The following PADI1 variants were observed in gnomAD, a reference collection of about 807,000 sequenced individuals.
The protein encoded by PADI1 is peptidyl arginine deiminase 1.
In PADI1, 65 loss-of-function variants were observed where a neutral mutation model predicts 74.8. The observed-to-expected ratio is 0.87, with a 90% CI of 0.71 to 1.07. The LOEUF is 1.07. PADI1 is among the 50% of genes least tolerant of loss of function. PADI1 has a pLI of 0.00. For synonymous variants in PADI1, 371 were observed against 336.2 expected (o/e 1.10, Z -1.13); for missense variants, 943 against 854.0 (o/e 1.10, Z -1.30).
At chr1:17,221,387 T>C (rs1167494657) in intron 1 of PADI1, among the ~76,000 whole-genome samples, 2 of 150,672 alleles carry the variant, frequency 1.3e-5, no homozygotes, top group East Asian at 3.9e-4. Flanking sequence ...GAGAATCGCT[T>C]GAACCTGGGA....
At position 17,229,010 on chromosome 1, in the gene PADI1, G is replaced by A. The variant is rs146838965; in HGVS notation, c.888G>A (p.Met296Ile). The A allele has an allele frequency of 2.3e-5, 37 of 1,591,510 alleles. No individual in the cohort carries two copies. The highest frequency in any genetic ancestry group is 2.9e-5 in the Non-Finnish European group (34 of 1,168,220). Residue 296 changes from methionine to isoleucine, a missense_variant, in exon 8 of 16, where the codon ATG becomes ATA. By Grantham distance (10) the Met-to-Ile change is conservative (BLOSUM62 1). Coordinates refer to ENST00000375471, the MANE Select transcript of PADI1 (RefSeq NM_013358.3). ...TVGFRMAPWI[M>I]TPNTQPPEEL... ...GCTTCCGCATGGCCCCCTGGATCAT[G>A]ACGCCCAACACTCAGCCTCCTGAGG... is the stretch of plus-strand genomic sequence containing the variant.
At position 17,240,873 on chromosome 1, in the gene PADI1, A is replaced by G. The variant is rs1393712077; in HGVS notation, c.1758+113A>G. 1.4e-5 allele frequency: 17 copies of G among 1,187,308 alleles called. No individual in the cohort carries two copies. The Admixed American group carries it at 2.5e-4, about 18-fold the overall frequency. The allele number at this position is 1,187,308 out of a possible 1,614,324, so 73.5% of individuals were successfully genotyped here. ...GCTGGAGGGCCCTGCGGACCTCTCCAGTGTCTGTTTTTGTGAATATAGAGA... is the reference window on the plus strand; with the variant it reads ...GCTGGAGGGCCCTGCGGACCTCTCCGGTGTCTGTTTTTGTGAATATAGAGA... On this transcript the variant is annotated intron_variant, in intron 15 of 15. Transcript: ENST00000375471.
intron 15 of PADI1, among the ~76,000 whole-genome samples, chr1:17,242,875 G>A (rs555862210): frequency 4.1e-4 from 62 of 152,166 alleles, no homozygotes; most frequent in African/African-American, 1.2e-3. Flanking sequence ...TCTGCCCTTT[G>A]CCCCCTGCAT....
At chr1:17,206,577 G>T (rs2071687662) in intron 1 of PADI1, among the ~76,000 whole-genome samples, 1 of 151,730 alleles carries the variant, frequency 6.6e-6, no homozygotes, top group Non-Finnish European at 1.5e-5. Flanking sequence ...GGTTAAGTTT[G>T]AATTTCAGAT....
At chr1:17,211,188 T>A (rs112015445) in intron 1 of PADI1, among the ~76,000 whole-genome samples, 14 of 145,882 alleles carry the variant, frequency 9.6e-5, no homozygotes, top group Admixed American at 9.2e-4. Context: ...ATGATCATGA[T>A]GGCAGCCCTG....
At chr1:17,238,783 C>G in intron 13 of PADI1, 74 bp downstream of exon 13, 1 of 671,564 alleles carries the variant, frequency 1.5e-6, no homozygotes, top group East Asian at 3.4e-5. Flanking sequence ...AGCCCCTGCA[C>G]CTGCAGATCT....
intron 3 of PADI1, among the ~76,000 whole-genome samples, chr1:17,223,899 C>T (rs990787825): frequency 6.6e-6 from 1 of 152,230 alleles, no homozygotes; most frequent in African/African-American, 2.4e-5. Context: ...GATCTAGAAA[C>T]TTCACTGCCC....
At position 17,225,931 on chromosome 1, in the gene PADI1, G is replaced by A. The variant is rs754350072; in HGVS notation, c.526+3G>A. 2 of 1,613,704 alleles carry A rather than the reference G, an allele frequency of 1.2e-6. No individual in the cohort carries two copies. The highest frequency in any genetic ancestry group is 3.3e-5 in the Admixed American group (2 of 60,012). On this transcript the variant is annotated splice_donor_region_variant and intron_variant, in intron 5 of 15. Transcript: ENST00000375471. The stretch of plus-strand genomic sequence containing the variant: ...CAGCTGGCTGATGTCGCTGGCTGGT[G>A]AGTGACACAAGGTGTTGTCTGGGGA...
At chr1:17,238,200 C>T (rs2072692563) in intron 12 of PADI1, among the ~76,000 whole-genome samples, 1 of 152,160 alleles carries the variant, frequency 6.6e-6, no homozygotes. Context: ...ACCACCATGC[C>T]CAGCTAATTT....
Position 17,238,638 on chromosome 1 carries a change from G to A in PADI1, c.1481G>A (p.Ser494Asn). Residue 494 changes from serine to asparagine, a missense_variant, in exon 13 of 16, where the codon AGC (serine) becomes AAC (asparagine). Coordinates refer to ENST00000375471, the MANE Select transcript of PADI1 (RefSeq NM_013358.3). ...CAGGGCTTCCGGCTGCTCCTGGCTA[G>A]CCCCAGCGCTTGCCTCAAACTCTTC... ...DQKGFRLLLA[S>N]PSACLKLFQE... 6.5e-7 allele frequency: 1 copy of A among 1,540,972 alleles called. No individual in the cohort carries two copies.
chr1:17,240,585 A>G, intron 14 of PADI1, 50 bp from the exon 15 acceptor site: 1 of 1,596,142 alleles, frequency 6.3e-7, no homozygotes, highest in Non-Finnish European at 8.6e-7. Flanking sequence ...GTGCTTGGCC[A>G]GTGTTATGCT....
chr1:17,212,865 G>A (rs1265666302), intron 1 of PADI1, among the ~76,000 whole-genome samples: 1 of 152,208 alleles, frequency 6.6e-6, no homozygotes, highest in Non-Finnish European at 1.5e-5. Context: ...CCTTGCCGCT[G>A]TAAGATGTGG....
intron 1 of PADI1, among the ~76,000 whole-genome samples, chr1:17,216,158 G>A (rs1452104054): frequency 1.3e-5 from 2 of 152,196 alleles, no homozygotes; most frequent in African/African-American, 4.8e-5. Context: ...GGTCAGGAAA[G>A]CCTGGGAGGC....
rs367666815 is a variant in PADI1, at chr1:17,232,885, G to A, written c.1228G>A (p.Gly410Ser). Residue 410 changes from glycine (G) to serine (S), a missense_variant, in exon 11 of 16, where the codon GGC becomes AGC. Gly to Ser is a moderately conservative substitution (Grantham distance 56, BLOSUM62 0). Transcript: ENST00000375471. ...TGGTCCCTCCAGCCTTGACTCCTTC[G>A]GCAACCTGGACGTCAGCCCGCCCGT... is the stretch of plus-strand genomic sequence containing the variant. ...LPGPSSLDSF[G>S]NLDVSPPVTV... The A allele has an allele frequency of 3.3e-5, 53 of 1,613,334 alleles. No homozygotes were observed. Among genetic ancestry groups the A allele is most frequent in the South Asian group, 1.1e-4 (10 of 91,032 alleles).
intron 1 of PADI1, among the ~76,000 whole-genome samples, chr1:17,207,431 C>G (rs1225719284): frequency 6.6e-6 from 1 of 152,212 alleles, no homozygotes; most frequent in African/African-American, 2.4e-5. Context: ...AATGAAGAAA[C>G]AATATAACAC....
intron 6 of PADI1, among the ~76,000 whole-genome samples, chr1:17,227,174 G>A (rs2072339284): frequency 6.6e-6 from 1 of 150,614 alleles, no homozygotes; most frequent in African/African-American, 2.4e-5. Context: ...TCCAGCCTGG[G>A]TGAGTGAACC....
At chr1:17,227,530 CAAAT>C (rs56966982) in intron 6 of PADI1, among the ~76,000 whole-genome samples, 35,257 of 137,946 alleles carry the variant, frequency 0.26, 4,657 homozygotes, top group Non-Finnish European at 0.31. Context: ...GACCCTGTCT[CAAAT>C]AAATAAATAA....
rs908678971 is a variant in PADI1, at chr1:17,240,758, A to T, written c.1756A>T (p.Met586Leu). 1.2e-6 allele frequency: 2 copies of T among 1,613,416 alleles called. No homozygotes were observed. Among genetic ancestry groups the T allele is most frequent in the African/African-American group, 2.7e-5 (2 of 74,914 alleles). The part of the protein sequence containing the change: ...NFYAEAFFPD[M>L]VNMVVLGKYL... ...CTACGCGGAAGCCTTCTTCCCAGAC[A>T]TGGTGAGAGCCCTTGTGCAGGGTCC... Residue 586 changes from methionine (M) to leucine (L), a missense_variant and splice_region_variant, in exon 15 of 16, where the codon ATG becomes TTG. Transcript: ENST00000375471.
At chr1:17,238,233 G>C (rs1413624509) in intron 12 of PADI1, among the ~76,000 whole-genome samples, 1 of 152,138 alleles carries the variant, frequency 6.6e-6, no homozygotes, top group Non-Finnish European at 1.5e-5. Flanking sequence ...GTAGAGACAG[G>C]GTTTCACCAT....
Sources: allele counts gnomAD v4.1 joint callset (sites outside exome capture counted in the v4.1 genomes callset), GRCh38; gene constraint gnomAD v4.1.1; transcripts MANE v1.5; gene names NCBI Gene and HGNC (gene_info 2026-07-23, HGNC 2026-07-21).